ERAP1: variants seen among roughly 807,000 people sequenced by gnomAD.
ERAP1 encodes adipocyte-derived leucine aminopeptidase.
Under a neutral mutation model 103.7 loss-of-function variants are expected in ERAP1, and 86 were observed. The ratio of observed to expected loss-of-function variants is 0.83; its 90% CI spans 0.70 to 0.99. ERAP1 has a LOEUF of 0.99. Ranked by LOEUF, ERAP1 falls within the 50% of genes least tolerant of loss-of-function variation. ERAP1 has a pLI of 0.00. For synonymous variants in ERAP1, 398 were observed against 402.4 expected (o/e 0.99, Z 0.13); for missense variants, 1,009 against 1,128.4 (o/e 0.89, Z 1.52).
chr5:96,803,864 C>T lies in ERAP1; in HGVS notation c.63G>A (p.Leu21=), dbSNP rs1367073338. 6.2e-7 allele frequency: 1 copy of T among 1,613,508 alleles called. No homozygotes were observed. The highest frequency in any genetic ancestry group is 1.3e-5 in the African/African-American group (1 of 75,018). ...ATMSFLLSSL[L]ALLTVSTPSW... ...AAGGAGTGGACACAGTTAAGAGAGCCAACAGTGAGGAAAGTAGAAATGACA... is the reference window on the plus strand; with the variant it reads ...AAGGAGTGGACACAGTTAAGAGAGCTAACAGTGAGGAAAGTAGAAATGACA... Residue 21 remains leucine, a synonymous_variant, in exon 2 of 19, where the codon TTG becomes TTA. Transcript: ENST00000443439.
the ERAP1 span, chr5:96,917,859 T>C: frequency 1.7e-4 from 31 of 182,436 alleles, no homozygotes; most frequent in Admixed American, 9.9e-4. Context: ...TGAGCCGAGA[T>C]TGCACCACTG....
the ERAP1 span, chr5:96,909,000 TTACTACC>T: frequency 2.5e-6 from 4 of 1,614,206 alleles, no homozygotes; most frequent in Non-Finnish European, 3.4e-6. Context: ...TTGACATGAC[TTACTACC>T]TCCAACATGA....
At chr5:96,919,495 T>C in the ERAP1 span, 1 of 152,456 alleles carries the variant, frequency 6.6e-6, no homozygotes, top group African/African-American at 2.4e-5. Context: ...TGAGTTTCAG[T>C]AGAACTGTAC....
chr5:96,778,010 G>A (rs1232139810), intron 18 of ERAP1, among the ~76,000 whole-genome samples: 3 of 152,206 alleles, frequency 2.0e-5, no homozygotes, highest in Non-Finnish European at 4.4e-5. Context: ...TTCTATGGAA[G>A]CCAGTCTCCT....
At chr5:96,878,680 C>T in the ERAP1 span, among the ~76,000 whole-genome samples, 1 of 152,062 alleles carries the variant, frequency 6.6e-6, no homozygotes, top group Non-Finnish European at 1.5e-5. Flanking sequence ...GTGATCTCAG[C>T]ACTTTGGGAG....
chr5:96,767,381 C>T (rs1770365000), intron 19 of ERAP1: 2 of 1,431,612 alleles, frequency 1.4e-6, no homozygotes, highest in East Asian at 2.3e-5. Context: ...ACTGCCTAAA[C>T]CTAAGTAAAC....
At chr5:96,921,157 G>C in the ERAP1 span, among the ~76,000 whole-genome samples, 1 of 152,184 alleles carries the variant, frequency 6.6e-6, no homozygotes, top group African/African-American at 2.4e-5. Context: ...CAGCACTCTC[G>C]AAGGCATAAA....
chr5:96,832,803 C>T, the ERAP1 span, among the ~76,000 whole-genome samples: 1 of 152,296 alleles, frequency 6.6e-6, no homozygotes, highest in East Asian at 1.9e-4. Context: ...GCTTGAATTG[C>T]ATTCATGATC....
the ERAP1 span, among the ~76,000 whole-genome samples, chr5:96,815,208 C>T: frequency 0.66 from 100,335 of 152,022 alleles, 33,600 homozygotes; most frequent in Non-Finnish European, 0.72. Flanking sequence ...TTTGTTTTTT[C>T]CCTTGGTTTT....
the ERAP1 span, chr5:96,917,357 T>C: frequency 4.1e-4 from 419 of 1,030,314 alleles, no homozygotes; most frequent in Non-Finnish European, 4.5e-4. Flanking sequence ...CTGAGCTCAA[T>C]TGATCTGCCC....
At chr5:96,909,701 C>T in the ERAP1 span, 3 of 1,614,178 alleles carry the variant, frequency 1.9e-6, no homozygotes, top group Middle Eastern at 3.3e-4. Context: ...CTGAACCATG[C>T]TCCTTGCATC....
chr5:96,856,716 C>T, the ERAP1 span, among the ~76,000 whole-genome samples: 5 of 152,208 alleles, frequency 3.3e-5, no homozygotes, highest in Admixed American at 2.0e-4. Context: ...ATGCTCAGTT[C>T]ATTTTCCTTC....
chr5:96,823,820 A>G, the ERAP1 span, among the ~76,000 whole-genome samples: 98,453 of 152,012 alleles, frequency 0.65, 32,550 homozygotes, highest in Non-Finnish European at 0.72. Flanking sequence ...TCACATTTTC[A>G]CTTAAAAGAA....
exon 20 of ERAP1, chr5:96,761,619 T>A (rs915466179): frequency 6.6e-6 from 1 of 152,310 alleles, no homozygotes; most frequent in African/African-American, 2.4e-5. Context: ...TCAACAGTTA[T>A]ACCTAAGTTT....
chr5:96,773,522 G>C (rs1773206729), downstream of ERAP1: 1 of 152,136 alleles, frequency 6.6e-6, no homozygotes, highest in Non-Finnish European at 1.5e-5. Flanking sequence ...TGCCACATTA[G>C]CCTTTGCACT....
the ERAP1 span, among the ~76,000 whole-genome samples, chr5:96,850,113 C>T: frequency 1.3e-5 from 2 of 152,064 alleles, no homozygotes; most frequent in Non-Finnish European, 2.9e-5. Context: ...GAATTAAATG[C>T]TTAAATGTAA....
chr5:96,879,960 T>C, the ERAP1 span: 59 of 1,614,076 alleles, frequency 3.7e-5, no homozygotes, highest in Non-Finnish European at 4.9e-5. Context: ...CTGGACTTTG[T>C]TGCATCTGAG....
chr5:96,923,684 ACT>A, the ERAP1 span, among the ~76,000 whole-genome samples: 3 of 145,974 alleles, frequency 2.1e-5, no homozygotes, highest in Admixed American at 2.1e-4. Context: ...ACACAGTGAG[ACT>A]CTGTCTCAAA....
At chr5:96,930,664 G>A in the ERAP1 span, among the ~76,000 whole-genome samples, 1 of 152,172 alleles carries the variant, frequency 6.6e-6, no homozygotes, top group South Asian at 2.1e-4. Context: ...ATGGAAAATG[G>A]TTTTGTTCAA....
Sources: allele counts gnomAD v4.1 joint callset (sites outside exome capture counted in the v4.1 genomes callset), GRCh38; gene constraint gnomAD v4.1.1; transcripts MANE v1.5; gene names NCBI Gene and HGNC (gene_info 2026-07-23, HGNC 2026-07-21).